Variants in GRIN2B observed in about 807,000 individuals in gnomAD.
The protein encoded by GRIN2B is glutamate receptor ionotropic, NMDA 2B.
A neutral mutation model predicts 114.5 loss-of-function variants in GRIN2B; 5 were observed. The observed-to-expected ratio is 0.04, with a 90% CI of 0.02 to 0.09. The LOEUF (loss-of-function observed/expected upper bound fraction) is 0.09, where lower values mean the gene tolerates loss of function less well. Among genes scored for constraint, GRIN2B ranks in the 10% least tolerant of loss-of-function variants. GRIN2B has a pLI of 1.00. For synonymous variants in GRIN2B, 787 were observed against 745.1 expected (o/e 1.06, Z -0.92); for missense variants, 1,108 against 1,943.5 (o/e 0.57, Z 8.08).
At chr12:13,672,406 C>T (rs1251814007) in intron 5 of GRIN2B, among the ~76,000 whole-genome samples, 2 of 152,124 alleles carry the variant, frequency 1.3e-5, no homozygotes, top group Admixed American at 1.3e-4. Context: ...TGCCTGCCTC[C>T]CTGGAGTCCA....
At chr12:13,622,625 A>C (rs1363665492) in intron 5 of GRIN2B, among the ~76,000 whole-genome samples, 2 of 151,780 alleles carry the variant, frequency 1.3e-5, no homozygotes, top group African/African-American at 2.4e-5. Flanking sequence ...TTTTAAATGT[A>C]TCCCTCACAC....
intron 10 of GRIN2B, among the ~76,000 whole-genome samples, chr12:13,595,131 T>A (rs1949056219): frequency 6.6e-6 from 1 of 152,170 alleles, no homozygotes; most frequent in African/African-American, 2.4e-5. Context: ...GAGAAATAAG[T>A]CCTGACAACT....
chr12:13,793,202 C>A (rs913556480), intron 3 of GRIN2B, among the ~76,000 whole-genome samples: 2 of 152,040 alleles, frequency 1.3e-5, no homozygotes, highest in Non-Finnish European at 2.9e-5. Flanking sequence ...AGGCCAGGAG[C>A]TCGAGGCCAG....
At chr12:13,639,192 A>G (rs1335717804) in intron 5 of GRIN2B, among the ~76,000 whole-genome samples, 1 of 152,100 alleles carries the variant, frequency 6.6e-6, no homozygotes, top group African/African-American at 2.4e-5. Flanking sequence ...TCTGGTTTAG[A>G]TCATGCCCAT....
intron 5 of GRIN2B, among the ~76,000 whole-genome samples, chr12:13,662,983 C>T (rs1292209379): frequency 6.6e-6 from 1 of 152,148 alleles, no homozygotes; most frequent in African/African-American, 2.4e-5. Flanking sequence ...ATCAGCGGCC[C>T]TTATGTTTTA....
intron 3 of GRIN2B, among the ~76,000 whole-genome samples, chr12:13,847,909 C>A (rs1217483162): frequency 1.3e-5 from 2 of 152,130 alleles, no homozygotes; most frequent in African/African-American, 4.8e-5. Flanking sequence ...ATGTGGACTT[C>A]CCTCCTCTGC....
Position 13,550,463 on chromosome 12 carries a change from T to C in GRIN2B, c.*12320A>G, listed in dbSNP as rs1317271758. ...AAGTGAATGCGCTGATCACTGAAGG[T>C]GTGCAAGAGTCTCAGGAGGAATTCT... On this transcript the variant is annotated 3_prime_UTR_variant, in exon 14 of 14. Coordinates refer to ENST00000609686, the MANE Select transcript of GRIN2B (RefSeq NM_000834.5). 6.6e-6 allele frequency: 1 copy of C among 152,162 alleles called. No individual in the cohort carries two copies. The highest frequency in any genetic ancestry group is 1.5e-5 in the Non-Finnish European group (1 of 68,012). The allele number at this position is 152,162 out of a possible 1,614,324, so 9.4% of individuals were successfully genotyped here.
intron 2 of GRIN2B, among the ~76,000 whole-genome samples, chr12:13,885,165 C>T (rs1030263836): frequency 6.6e-6 from 1 of 152,136 alleles, no homozygotes; most frequent in Non-Finnish European, 1.5e-5. Context: ...GTTCCCTACA[C>T]CAAAATTTGG....
intron 10 of GRIN2B, among the ~76,000 whole-genome samples, chr12:13,607,273 AATATATAAT>A (rs1565473507): frequency 6.8e-4 from 12 of 17,770 alleles, no homozygotes; most frequent in African/African-American, 1.7e-3. Context: ...TAATATATAA[AATATATAAT>A]ATATATTATA....
chr12:13,674,466 T>G (rs1002727623), intron 5 of GRIN2B, among the ~76,000 whole-genome samples: 1 of 152,122 alleles, frequency 6.6e-6, no homozygotes, highest in Non-Finnish European at 1.5e-5. Context: ...ACTTGAAGAA[T>G]TAGATCCTGG....
chr12:13,583,110 T>C (rs920396984), intron 10 of GRIN2B, among the ~76,000 whole-genome samples: 2 of 152,196 alleles, frequency 1.3e-5, no homozygotes, highest in African/African-American at 4.8e-5. Flanking sequence ...GGCAAAGTCT[T>C]GTGTCTGGCC....
intron 5 of GRIN2B, among the ~76,000 whole-genome samples, chr12:13,637,035 A>T (rs914392037): frequency 1.3e-5 from 2 of 152,172 alleles, no homozygotes; most frequent in African/African-American, 4.8e-5. Context: ...TAAGTTTGAG[A>T]TTCCTATCAT....
intron 3 of GRIN2B, among the ~76,000 whole-genome samples, chr12:13,760,745 A>C (rs1013756807): frequency 6.6e-6 from 1 of 152,066 alleles, no homozygotes; most frequent in African/African-American, 2.4e-5. Context: ...CTCCATCTTC[A>C]CTCCTTCCAC....
At chr12:13,598,956 T>A (rs934096010) in intron 10 of GRIN2B, among the ~76,000 whole-genome samples, 1 of 152,014 alleles carries the variant, frequency 6.6e-6, no homozygotes, top group Non-Finnish European at 1.5e-5. Flanking sequence ...CCTCCTGGAG[T>A]GATGGCTGAC....
intron 2 of GRIN2B, among the ~76,000 whole-genome samples, chr12:13,876,177 A>C (rs1244291057): frequency 6.6e-6 from 1 of 152,226 alleles, no homozygotes; most frequent in African/African-American, 2.4e-5. Flanking sequence ...AAGAGCTAGA[A>C]TTGAAACCTG....
chr12:13,562,864 G>A lies in GRIN2B; in HGVS notation c.4374C>T (p.Asn1458=). The A allele has an allele frequency of 6.2e-7, 1 of 1,614,122 alleles. No homozygotes were observed. The highest frequency in any genetic ancestry group is 8.5e-7 in the Non-Finnish European group (1 of 1,179,950). The change falls in exon 14 of 14, where the codon AAC becomes AAT. Residue 1458 remains asparagine, a synonymous_variant. Coordinates refer to ENST00000609686, the MANE Select transcript of GRIN2B (RefSeq NM_000834.5). ...IGNQSNPCVP[N]NKNPRAFNGS... is the part of the protein sequence containing the mutation. Reference sequence around the variant, plus strand: ...CATTGAAAGCCCTGGGGTTTTTGTTGTTAGGCACACAGGGGTTGGACTGGT... The same window carrying A: ...CATTGAAAGCCCTGGGGTTTTTGTTATTAGGCACACAGGGGTTGGACTGGT...
intron 2 of GRIN2B, among the ~76,000 whole-genome samples, chr12:13,874,689 T>C (rs921801437): frequency 1.3e-5 from 2 of 152,164 alleles, no homozygotes; most frequent in Middle Eastern, 3.2e-3. Flanking sequence ...AACAGCAAAA[T>C]AGCATTTTCA....
chr12:13,811,452 G>A (rs1226690019), intron 3 of GRIN2B, among the ~76,000 whole-genome samples: 2 of 152,218 alleles, frequency 1.3e-5, no homozygotes, highest in East Asian at 1.9e-4. Flanking sequence ...ACAGTGGCAT[G>A]TGCCTGCATT....
intron 4 of GRIN2B, among the ~76,000 whole-genome samples, chr12:13,690,753 T>G (rs1950209968): frequency 6.6e-6 from 1 of 152,202 alleles, no homozygotes; most frequent in Non-Finnish European, 1.5e-5. Context: ...CTGAAATATT[T>G]TATTCCGTAA....
Sources: gnomAD v4.1 joint callset for allele counts (sites outside exome capture counted in the v4.1 genomes callset) on GRCh38, gnomAD v4.1.1 for gene constraint, MANE v1.5 for transcripts, NCBI Gene and HGNC (gene_info 2026-07-23, HGNC 2026-07-21) for gene names.